TRDN: variants seen among roughly 807,000 people sequenced by gnomAD.
TRDN encodes triadin.
A neutral mutation model predicts 149.7 loss-of-function variants in TRDN; 161 were observed. The observed-to-expected ratio is 1.08, with a 90% CI of 0.95 to 1.23. The LOEUF is 1.23. TRDN is among the 50% of genes most tolerant of loss of function. The pLI is 0.00. For synonymous variants in TRDN, 294 were observed against 250.5 expected, an observed-to-expected ratio of 1.17 and a Z score of -1.64; for missense variants, 896 against 823.5, an observed-to-expected ratio of 1.09 and a Z score of -1.08.
intron 4 of TRDN, among the ~76,000 whole-genome samples, chr6:123,544,166 A>G (rs1310608413): frequency 6.6e-6 from 1 of 151,994 alleles, no homozygotes; most frequent in Non-Finnish European, 1.5e-5. Context: ...TTAGAATGAG[A>G]CAGCGTTCAT....
chr6:123,285,855 T>A (rs949532781), intron 24 of TRDN, among the ~76,000 whole-genome samples: 1 of 151,818 alleles, frequency 6.6e-6, no homozygotes, highest in Admixed American at 6.6e-5. Context: ...CATCAAAAAG[T>A]GGGCTAAGGA....
At chr6:123,274,588 T>C (rs568671610) in intron 27 of TRDN, 53 bp downstream of exon 27, 8 of 1,514,638 alleles carry the variant, frequency 5.3e-6, no homozygotes, top group Middle Eastern at 1.9e-4. Flanking sequence ...TAGTACTTAA[T>C]AAAATAAAGA....
chr6:123,326,033 A>T (rs720946), intron 23 of TRDN, among the ~76,000 whole-genome samples: 27,433 of 152,056 alleles, frequency 0.18, 3,491 homozygotes, highest in East Asian at 0.63. Context: ...AATAGCAGAG[A>T]GAGTGATTAC....
In TRDN at chr6:123,237,589, T is replaced by C. The variant is rs75597984; in HGVS notation, c.1976-13458A>G. Among the ~76,000 whole-genome samples the C allele has an allele frequency of 5.5e-3, 838 of 152,318 alleles. 29 individuals carry two copies. In the South Asian group the frequency reaches 0.077, roughly 14 times the overall value. ...AAACTCACTTACTAATTCCAGTTTT[T>C]GTGTTTATACAGGTTTTAGATTTGC... On this transcript the variant is annotated intron_variant, in intron 38 of 40. Coordinates refer to ENST00000334268, the MANE Select transcript of TRDN (RefSeq NM_006073.4).
intron 10 of TRDN, among the ~76,000 whole-genome samples, chr6:123,459,280 A>G (rs1776314512): frequency 6.6e-6 from 1 of 152,150 alleles, no homozygotes; most frequent in Non-Finnish European, 1.5e-5. Flanking sequence ...TGTCCTCTGA[A>G]TGTGGGCTGT....
chr6:123,330,761 G>A (rs1779631120), intron 23 of TRDN, among the ~76,000 whole-genome samples: 1 of 151,950 alleles, frequency 6.6e-6, no homozygotes, highest in Admixed American at 6.6e-5. Flanking sequence ...ATGACTTAAG[G>A]CTATAGTTTT....
chr6:123,463,919 TG>T (rs1776632950), intron 10 of TRDN, among the ~76,000 whole-genome samples: 1 of 152,104 alleles, frequency 6.6e-6, no homozygotes, highest in African/African-American at 2.4e-5. Context: ...AACGGGCAGT[TG>T]TTGAGCTGAG....
At chr6:123,450,510 T>C (rs1218344341) in intron 10 of TRDN, among the ~76,000 whole-genome samples, 3 of 152,212 alleles carry the variant, frequency 2.0e-5, no homozygotes, top group Non-Finnish European at 2.9e-5. Flanking sequence ...AAGAGGGACA[T>C]TATATAATGG....
chr6:123,234,692 A>G (rs1775723898), intron 38 of TRDN, among the ~76,000 whole-genome samples: 1 of 152,156 alleles, frequency 6.6e-6, no homozygotes, highest in African/African-American at 2.4e-5. Context: ...TGAATACACT[A>G]AAGTGCTCAT....
intron 12 of TRDN, among the ~76,000 whole-genome samples, chr6:123,432,986 T>A (rs924198904): frequency 6.6e-6 from 1 of 151,638 alleles, no homozygotes; most frequent in Non-Finnish European, 1.5e-5. Context: ...TCTCATCTAT[T>A]CCAAGAGCAT....
At chr6:123,556,363 A>G (rs1283967364) in intron 2 of TRDN, among the ~76,000 whole-genome samples, 4 of 152,198 alleles carry the variant, frequency 2.6e-5, no homozygotes, top group African/African-American at 9.6e-5. Flanking sequence ...TTTTTAACAT[A>G]GAGACCATAT....
At chr6:123,515,309 A>G (rs1779365653) in intron 6 of TRDN, among the ~76,000 whole-genome samples, 2 of 152,070 alleles carry the variant, frequency 1.3e-5, no homozygotes, top group African/African-American at 4.8e-5. Context: ...GATAGATATC[A>G]TAAGAAAGAC....
At chr6:123,482,465 A>G (rs994491487) in intron 9 of TRDN, among the ~76,000 whole-genome samples, 2 of 152,192 alleles carry the variant, frequency 1.3e-5, no homozygotes, top group African/African-American at 4.8e-5. Flanking sequence ...CCTGCTTTAT[A>G]TTGTGTATAA....
chr6:123,542,729 G>C (rs1382737497), intron 4 of TRDN, among the ~76,000 whole-genome samples: 2 of 152,050 alleles, frequency 1.3e-5, no homozygotes, highest in African/African-American at 2.4e-5. Context: ...AACATAAATA[G>C]AGAAAAACAC....
At chr6:123,401,663 GGCCGGGTGTAGTGCCTCAT>G (rs1772978744) in intron 12 of TRDN, among the ~76,000 whole-genome samples, 1 of 152,200 alleles carries the variant, frequency 6.6e-6, no homozygotes, top group South Asian at 2.1e-4. Context: ...ATTTAAAGGA[GGCCGGGTGTAGTGCCTCAT>G]GCCTATAATC....
intron 12 of TRDN, among the ~76,000 whole-genome samples, chr6:123,427,241 G>A (rs1774160738): frequency 6.6e-6 from 1 of 150,722 alleles, no homozygotes; most frequent in Non-Finnish European, 1.5e-5. Flanking sequence ...CATTTACTAT[G>A]GCCTCACTTC....
rs1321988270 is a variant in TRDN at position 123,444,525 on chromosome 6, C to T, written c.932-5522G>A. ...AATACCATTTATTTCCTTCTCCTGC[C>T]TAATTGCCCTGGCCAGAACTTCCAA... On this transcript the variant is annotated intron_variant, in intron 10 of 40. Coordinates refer to ENST00000334268, the MANE Select transcript of TRDN (RefSeq NM_006073.4). 3.3e-5 allele frequency among the ~76,000 whole-genome samples: 5 copies of T among 150,530 alleles called. No homozygotes were observed. The South Asian group carries it at 1.1e-3, about 32-fold the overall frequency.
intron 21 of TRDN, among the ~76,000 whole-genome samples, chr6:123,341,824 A>G (rs372793249): frequency 2.6e-5 from 4 of 152,000 alleles, no homozygotes; most frequent in African/African-American, 9.7e-5. Context: ...TATTCTAGAC[A>G]AGCTGGGCTG....
At chr6:123,559,440 A>G (rs2114490005) in intron 2 of TRDN, among the ~76,000 whole-genome samples, 1 of 152,194 alleles carries the variant, frequency 6.6e-6, no homozygotes, top group Admixed American at 6.5e-5. Context: ...CCTGGATTAC[A>G]GCTACATCTC....
Sources: allele counts gnomAD v4.1 joint callset (sites outside exome capture counted in the v4.1 genomes callset), GRCh38; gene constraint gnomAD v4.1.1; transcripts MANE v1.5; gene names NCBI Gene and HGNC (gene_info 2026-07-23, HGNC 2026-07-21).